Variants in SHANK2 observed in about 807,000 individuals in gnomAD.
The protein encoded by SHANK2 is SH3 and multiple ankyrin repeat domains 2.
In SHANK2, 43 loss-of-function variants were observed where a neutral mutation model predicts 133.7. The ratio of observed to expected loss-of-function variants is 0.32; its 90% CI spans 0.25 to 0.41. The LOEUF (loss-of-function observed/expected upper bound fraction) is 0.41. Among genes scored for constraint, SHANK2 ranks in the 10% least tolerant of loss-of-function variants. The probability of loss-of-function intolerance (pLI) is 1.00; values close to 1 mark genes in which losing one functional copy is unlikely to be tolerated. For synonymous variants in SHANK2, 1,017 were observed against 952.8 expected, an observed-to-expected ratio of 1.07 and a Z score of -1.24; for missense variants, 1,994 against 2,235.8, an observed-to-expected ratio of 0.89 and a Z score of 2.18.
At chr11:70,520,553 G>A (rs1322790717) in intron 17 of SHANK2, among the ~76,000 whole-genome samples, 2 of 152,144 alleles carry the variant, frequency 1.3e-5, no homozygotes, top group Admixed American at 1.3e-4. Flanking sequence ...GGCCCTGCTC[G>A]CCTGGCCAAG....
Position 71,127,682 on chromosome 11 carries a change from A to AT in SHANK2, c.208-8651dup, listed in dbSNP as rs1391561526. Among the ~76,000 whole-genome samples the AT allele has an allele frequency of 1.7e-4, 26 of 152,388 alleles. 1 individual carries two copies. The highest frequency in any genetic ancestry group is 4.6e-4 in the Admixed American group (7 of 15,310). On this transcript the variant is annotated intron_variant, in intron 3 of 25. Transcript: ENST00000601538. ...GCTTTTTTAGACATGATGCTATTACATACTTAATAGACTACATAGAGTATA... is the reference window on the plus strand; with the variant it reads ...GCTTTTTTAGACATGATGCTATTACATTACTTAATAGACTACATAGAGTATA...
intron 11 of SHANK2, among the ~76,000 whole-genome samples, chr11:70,886,146 C>T (rs781937218): frequency 3.3e-5 from 5 of 152,126 alleles, no homozygotes; most frequent in Non-Finnish European, 7.3e-5. Context: ...CACTCGGTCC[C>T]GCGAAGAGGG....
chr11:70,732,045 C>T (rs1223887625), intron 14 of SHANK2, among the ~76,000 whole-genome samples: 3 of 152,158 alleles, frequency 2.0e-5, no homozygotes, highest in African/African-American at 7.2e-5. Context: ...CCACACACAC[C>T]CCCAGGGTGA....
At chr11:70,702,911 C>T (rs1380023754) in intron 14 of SHANK2, among the ~76,000 whole-genome samples, 1 of 152,240 alleles carries the variant, frequency 6.6e-6, no homozygotes, top group African/African-American at 2.4e-5. Context: ...GTAACAGTCC[C>T]TCCTTAAAGG....
chr11:70,608,146 T>A (rs2136364054), intron 17 of SHANK2, among the ~76,000 whole-genome samples: 1 of 152,214 alleles, frequency 6.6e-6, no homozygotes, highest in Non-Finnish European at 1.5e-5. Context: ...TGCAAGAGAT[T>A]TTTCTTTTTC....
At chr11:70,918,310 G>A (rs1469338973) in intron 10 of SHANK2, among the ~76,000 whole-genome samples, 14 of 152,122 alleles carry the variant, frequency 9.2e-5, no homozygotes, top group African/African-American at 2.4e-4. Flanking sequence ...CAAGTCAGAC[G>A]TGTACCCTCT....
intron 10 of SHANK2, among the ~76,000 whole-genome samples, chr11:70,904,251 A>G (rs1950066229): frequency 6.6e-6 from 1 of 152,150 alleles, no homozygotes; most frequent in Non-Finnish European, 1.5e-5. Context: ...CTCGGTGCCC[A>G]CAGGGCCCGA....
intron 1 of SHANK2, among the ~76,000 whole-genome samples, chr11:71,227,967 T>G (rs1463379944): frequency 6.6e-6 from 1 of 151,194 alleles, no homozygotes; most frequent in Admixed American, 6.6e-5. Context: ...AGTGAAACAA[T>G]AAGCTGACTC....
chr11:70,663,648 G>A (rs1020601261), intron 15 of SHANK2, among the ~76,000 whole-genome samples: 1 of 152,172 alleles, frequency 6.6e-6, no homozygotes. Context: ...GCAGCTGGGA[G>A]GGGGGTTCTG....
At chr11:71,246,383 C>T (rs1387913402) in intron 1 of SHANK2, among the ~76,000 whole-genome samples, 2 of 152,020 alleles carry the variant, frequency 1.3e-5, no homozygotes, top group African/African-American at 4.8e-5. Flanking sequence ...GTGAGGAAGA[C>T]GTGGGGCAGG....
chr11:70,598,790 G>A (rs1210415070), intron 17 of SHANK2, among the ~76,000 whole-genome samples: 1 of 152,154 alleles, frequency 6.6e-6, no homozygotes, highest in African/African-American at 2.4e-5. Flanking sequence ...CAATTCATTA[G>A]CAAAGAAAAG....
chr11:71,250,085 C>G (rs1365741897), intron 1 of SHANK2, among the ~76,000 whole-genome samples: 6 of 151,594 alleles, frequency 4.0e-5, no homozygotes, highest in Non-Finnish European at 5.9e-5. Flanking sequence ...GGAGACAGTA[C>G]ACAGAAAGAT....
At chr11:70,755,778 C>T (rs1946856852) in intron 14 of SHANK2, among the ~76,000 whole-genome samples, 1 of 152,244 alleles carries the variant, frequency 6.6e-6, no homozygotes, top group African/African-American at 2.4e-5. Context: ...AGGGAAGACA[C>T]CGCGCCAGCA....
chr11:70,732,215 T>C (rs550303013), intron 14 of SHANK2, among the ~76,000 whole-genome samples: 1 of 152,266 alleles, frequency 6.6e-6, no homozygotes, highest in South Asian at 2.1e-4. Flanking sequence ...CCCTGGCGCC[T>C]CATCCAGTTG....
intron 14 of SHANK2, among the ~76,000 whole-genome samples, chr11:70,792,104 TAACCAACCAACCAACC>T (rs56696086): frequency 3.3e-5 from 5 of 151,440 alleles, no homozygotes; most frequent in Admixed American, 6.6e-5. Context: ...GCCAGCCAGC[TAACCAACCAACCAACC>T]AACCAACCAA....
chr11:70,886,528 T>C (rs1210316910), intron 11 of SHANK2, among the ~76,000 whole-genome samples: 1 of 152,202 alleles, frequency 6.6e-6, no homozygotes, highest in Middle Eastern at 3.2e-3. Context: ...ATCATTTGTG[T>C]CTCATTGGAA....
intron 11 of SHANK2, among the ~76,000 whole-genome samples, chr11:70,865,706 T>C (rs1555068890): frequency 6.6e-6 from 1 of 152,198 alleles, no homozygotes; most frequent in East Asian, 1.9e-4. Context: ...CGCCTTCTGA[T>C]GTAGCTGGAC....
chr11:70,902,096 G>T (rs895425229), intron 10 of SHANK2, among the ~76,000 whole-genome samples: 1 of 152,202 alleles, frequency 6.6e-6, no homozygotes, highest in Admixed American at 6.5e-5. Context: ...AGGAGGCTGG[G>T]AGAATTCAGA....
chr11:70,911,606 C>T (rs1316497446), intron 10 of SHANK2, among the ~76,000 whole-genome samples: 5 of 152,078 alleles, frequency 3.3e-5, no homozygotes, highest in East Asian at 1.9e-4. Flanking sequence ...TATCCGTTTT[C>T]CCAGAGGGTG....
Sources: gnomAD v4.1 joint callset for allele counts (sites outside exome capture counted in the v4.1 genomes callset) on GRCh38, gnomAD v4.1.1 for gene constraint, MANE v1.5 for transcripts, NCBI Gene and HGNC (gene_info 2026-07-23, HGNC 2026-07-21) for gene names.